Variants in WDR62 observed in about 807,000 individuals in gnomAD.
WDR62 encodes WD repeat domain 62.
A neutral mutation model predicts 160.6 loss-of-function variants in WDR62; 112 were observed. That is an observed-to-expected ratio of 0.70 (90% CI 0.60 to 0.82). The LOEUF (loss-of-function observed/expected upper bound fraction) is 0.82. WDR62 is among the 40% of genes least tolerant of loss of function. WDR62 has a pLI of 0.00. For synonymous variants in WDR62, 792 were observed against 815.1 expected, an observed-to-expected ratio of 0.97 and a Z score of 0.48; for missense variants, 1,819 against 1,983.8, an observed-to-expected ratio of 0.92 and a Z score of 1.58.
chr19:36,082,755 C>G (rs1198339874), intron 10 of WDR62, among the ~76,000 whole-genome samples: 1 of 152,218 alleles, frequency 6.6e-6, no homozygotes, highest in Non-Finnish European at 1.5e-5. Context: ...TTTGAGGGAG[C>G]AGGCTATGTC....
chr19:36,059,757 C>G (rs548004561), intron 2 of WDR62, among the ~76,000 whole-genome samples: 1 of 152,284 alleles, frequency 6.6e-6, no homozygotes, highest in South Asian at 2.1e-4. Context: ...CAGACATTAC[C>G]TCAGAGGAAG....
intron 3 of WDR62, chr19:36,062,203 C>T (rs1970684678): frequency 6.6e-6 from 1 of 152,208 alleles, no homozygotes; most frequent in Non-Finnish European, 1.5e-5. Flanking sequence ...GCCTCAGCCT[C>T]CCAAAGTGCT....
At position 36,084,698 on chromosome 19, in the gene WDR62, C is replaced by G. The variant is rs1408631193; in HGVS notation, c.1596C>G (p.Ala532=). The G allele has an allele frequency of 8.7e-6, 14 of 1,613,822 alleles. No individual in the cohort carries two copies. The highest frequency in any genetic ancestry group is 1.2e-5 in the Non-Finnish European group (14 of 1,179,982). The change falls in exon 12 of 32, where the codon GCC becomes GCG. Residue 532 remains alanine (A), a synonymous_variant. Coordinates refer to ENST00000401500, the MANE Select transcript of WDR62 (RefSeq NM_001083961.2). ...TGGACGAGCTGGTCAAGGTGGAGGC[C>G]CATGATGCTGAGGTGCTGTGCCTGG... The part of the protein sequence containing the change: ...HFMDELVKVE[A]HDAEVLCLEY...
chr19:36,056,023 G>A (rs1161533179), intron 1 of WDR62, among the ~76,000 whole-genome samples: 1 of 152,092 alleles, frequency 6.6e-6, no homozygotes, highest in Non-Finnish European at 1.5e-5. Context: ...AAATTAGCCC[G>A]GCATGCTAGC....
At position 36,083,335 on chromosome 19, in the gene WDR62, G is replaced by A. The variant is rs568693772; in HGVS notation, c.1550+94G>A. ...AGAAGCCCTGGCCTTGGCACCTCCT[G>A]CTGCCCATTGGGAATGAGGGGCTGT... On this transcript the variant is annotated intron_variant, in intron 11 of 31. Coordinates refer to ENST00000401500, the MANE Select transcript of WDR62 (RefSeq NM_001083961.2). 14 of 1,275,134 alleles carry A rather than the reference G, an allele frequency of 1.1e-5. No homozygotes were observed. In the East Asian group the frequency reaches 2.8e-4, roughly 25 times the overall value. 79.0% of individuals were successfully genotyped at this position (1,275,134 alleles called of 1,614,324 possible).
chr19:36,065,537 G>A (rs1388341120), intron 3 of WDR62, among the ~76,000 whole-genome samples: 2 of 152,182 alleles, frequency 1.3e-5, no homozygotes, highest in Non-Finnish European at 2.9e-5. Flanking sequence ...GTGGAGCACA[G>A]GCTGCAGGCT....
intron 20 of WDR62, among the ~76,000 whole-genome samples, chr19:36,095,044 A>G (rs1972874918): frequency 6.6e-6 from 1 of 152,184 alleles, no homozygotes; most frequent in African/African-American, 2.4e-5. Context: ...AAAAAGAAAG[A>G]AACTCAATAA....
intron 1 of WDR62, among the ~76,000 whole-genome samples, chr19:36,057,834 C>T (rs1970445878): frequency 6.6e-6 from 1 of 152,184 alleles, no homozygotes; most frequent in South Asian, 2.1e-4. Context: ...AATTTCTGGA[C>T]TGTGAATCTG....
intron 1 of WDR62, among the ~76,000 whole-genome samples, chr19:36,057,968 T>G (rs1210401876): frequency 6.6e-6 from 1 of 152,210 alleles, no homozygotes; most frequent in African/African-American, 2.4e-5. Context: ...TGTAGGATCT[T>G]GGGCCTCAGA....
At chr19:36,067,758 G>C in intron 6 of WDR62, 70 bp from the exon 7 acceptor site, 1 of 1,546,546 alleles carries the variant, frequency 6.5e-7, no homozygotes, top group Non-Finnish European at 8.9e-7. Flanking sequence ...GTTTTGTTGT[G>C]TCCTATCATC....
chr19:36,079,790 TG>T (rs1971784444), intron 9 of WDR62, among the ~76,000 whole-genome samples: 1 of 152,252 alleles, frequency 6.6e-6, no homozygotes, highest in African/African-American at 2.4e-5. Flanking sequence ...TTGTGATTGG[TG>T]GTGGTTTGTC....
At chr19:36,075,571 G>A (rs1214709930) in intron 9 of WDR62, among the ~76,000 whole-genome samples, 1 of 151,202 alleles carries the variant, frequency 6.6e-6, no homozygotes, top group Admixed American at 6.6e-5. Context: ...TCAGCCTCCC[G>A]AGTAGCTGGG....
chr19:36,091,426 C>G lies in WDR62; in HGVS notation c.2171C>G (p.Thr724Ser), dbSNP rs1411164382. 6.4e-7 allele frequency: 1 copy of G among 1,573,856 alleles called. No homozygotes were observed. Among genetic ancestry groups the G allele is most frequent in the Admixed American group, 1.7e-5 (1 of 58,494 alleles). ...GAAATTATTACCAGCATGAAGTTCA[C>G]CTATGACTGTCATCACTTGATCACA... ...HSEIITSMKF[T>S]YDCHHLITVS... is the part of the protein sequence containing the mutation. Residue 724 changes from threonine to serine, a missense_variant, in exon 18 of 32, where the codon ACC becomes AGC. Transcript: ENST00000401500.
intron 21 of WDR62, among the ~76,000 whole-genome samples, chr19:36,097,441 A>G (rs1376566293): frequency 6.6e-6 from 1 of 152,212 alleles, no homozygotes; most frequent in Admixed American, 6.5e-5. Context: ...AGCCAGGTGC[A>G]GTGATACGTG....
At chr19:36,111,140 C>T in the WDR62 span, 1 of 1,371,032 alleles carries the variant, frequency 7.3e-7, no homozygotes, top group Non-Finnish European at 9.8e-7. Flanking sequence ...GATAGTCATC[C>T]TGGGGCTGAG....
intron 22 of WDR62, 82 bp from the exon 23 acceptor site, chr19:36,100,666 G>T: frequency 6.3e-7 from 1 of 1,586,940 alleles, no homozygotes; most frequent in Non-Finnish European, 8.6e-7. Flanking sequence ...TCCAGCAGTG[G>T]GGCTGCTGGC....
intron 11 of WDR62, 142 bp downstream of exon 11, chr19:36,083,383 TCCCATTGG>T: frequency 4.5e-6 from 4 of 892,184 alleles, no homozygotes; most frequent in Non-Finnish European, 7.2e-6. Flanking sequence ...CATGAACAGC[TCCCATTGG>T]GAACTTAAGC....
intron 21 of WDR62, 95 bp downstream of exon 21, chr19:36,097,174 CT>C: frequency 8.1e-7 from 1 of 1,238,560 alleles, no homozygotes; most frequent in Non-Finnish European, 1.2e-6. Flanking sequence ...CCATGTCCCT[CT>C]TTTCCCTGGA....
rs755575304 is a variant in WDR62 at position 36,054,976 on chromosome 19, C to T, written c.5C>T (p.Ala2Val). 4.4e-6 allele frequency: 7 copies of T among 1,599,146 alleles called. No homozygotes were observed. The Admixed American group carries it at 5.1e-5, about 12-fold the overall frequency. The part of the protein sequence containing the change: M[A>V]AVGSGGYARN... ...TCGCCCGCCTCCGGCGTGACGATGG[C>T]GGCCGTAGGGTCCGGAGGCTATGCG... Residue 2 changes from alanine to valine, a missense_variant, in exon 1 of 32, where the codon GCG (alanine) becomes GTG (valine). Ala to Val is a moderately conservative substitution (Grantham distance 64). Coordinates refer to ENST00000401500, the MANE Select transcript of WDR62 (RefSeq NM_001083961.2).
Sources: allele counts gnomAD v4.1 joint callset (sites outside exome capture counted in the v4.1 genomes callset), GRCh38; gene constraint gnomAD v4.1.1; transcripts MANE v1.5; gene names NCBI Gene and HGNC (gene_info 2026-07-23, HGNC 2026-07-21).